The following FBXO40 variants were observed in gnomAD, a reference collection of about 807,000 sequenced individuals.
FBXO40 encodes the protein F-box only protein 40.
A neutral mutation model predicts 49.9 loss-of-function variants in FBXO40; 50 were observed. The ratio of observed to expected loss-of-function variants is 1.00; its 90% CI spans 0.80 to 1.27. The LOEUF (loss-of-function observed/expected upper bound fraction) is 1.27. Among genes scored for constraint, FBXO40 ranks in the 50% most tolerant of loss-of-function variants. FBXO40 has a pLI of 0.00. For synonymous variants in FBXO40, 340 were observed against 320.2 expected (o/e 1.06, Z -0.66); for missense variants, 895 against 870.1 (o/e 1.03, Z -0.36).
At position 121,623,327 on chromosome 3, in the gene FBXO40, G is replaced by A. The variant is rs2049044858; in HGVS notation, c.1898G>A (p.Trp633Ter). Residue 633 changes from tryptophan (W) to a stop codon, truncating the protein, a stop_gained, in exon 3 of 4, where the codon TGG becomes TAG. Coordinates refer to ENST00000338040, the MANE Select transcript of FBXO40 (RefSeq NM_016298.4). LOFTEE classifies it high-confidence loss of function. ...AGGTATTCCCATGGAGGCACCTCCT[G>A]GAGAGTCCACAGAGAGGTAAGTAAA... The part of the protein sequence containing the change: ...KKRYSHGGTS[W>*]RVHREIWQFS... 1.2e-6 allele frequency: 2 copies of A among 1,613,710 alleles called. No homozygotes were observed. The highest frequency in any genetic ancestry group is 1.3e-5 in the African/African-American group (1 of 74,906).
At chr3:121,600,807 T>C (rs574507576) in intron 1 of FBXO40, among the ~76,000 whole-genome samples, 13 of 152,320 alleles carry the variant, frequency 8.5e-5, no homozygotes, top group Admixed American at 3.3e-4. Context: ...TGTAAAAGCA[T>C]AGGAAAGGCA....
chr3:121,607,300 CTT>C (rs555162944), intron 1 of FBXO40, among the ~76,000 whole-genome samples: 240 of 60,112 alleles, frequency 4.0e-3, no homozygotes, highest in East Asian at 6.7e-3. Context: ...CTCTAAAGCT[CTT>C]TTTTTTTTTT....
chr3:121,623,987 C>CTT (rs371355210), intron 3 of FBXO40, among the ~76,000 whole-genome samples: 32,015 of 95,634 alleles, frequency 0.33, 6,247 homozygotes, highest in East Asian at 0.5. Flanking sequence ...TGCACCTGGC[C>CTT]TTTTTTTTTT....
chr3:121,601,697 C>T (rs1464913941), intron 1 of FBXO40, among the ~76,000 whole-genome samples: 1 of 152,234 alleles, frequency 6.6e-6, no homozygotes, highest in East Asian at 1.9e-4. Context: ...CTGAGCTCAA[C>T]TTAATGACAG....
chr3:121,613,979 A>G (rs1042154550), intron 1 of FBXO40, among the ~76,000 whole-genome samples: 20 of 152,048 alleles, frequency 1.3e-4, no homozygotes, highest in African/African-American at 4.6e-4. Context: ...CTAAAAATAC[A>G]AAAATTAGAC....
intron 1 of FBXO40, among the ~76,000 whole-genome samples, chr3:121,613,300 T>C (rs1345273453): frequency 2.0e-5 from 3 of 152,108 alleles, no homozygotes; most frequent in African/African-American, 7.2e-5. Flanking sequence ...AGGGAGGAAC[T>C]ACTGGAGCCA....
At chr3:121,609,394 C>T (rs576304774) in intron 1 of FBXO40, among the ~76,000 whole-genome samples, 8 of 150,414 alleles carry the variant, frequency 5.3e-5, no homozygotes, top group African/African-American at 2.0e-4. Context: ...ATGAGCAAAT[C>T]ATCTACATAC....
rs1272838816 is a variant in FBXO40, at chr3:121,628,373, G to A, written c.*1463G>A. ...GACGGGCTTTCTCCATGTTGTTCAG[G>A]CTGGTCTCAAACTCCCGACCTCAGG... On this transcript the variant is annotated 3_prime_UTR_variant, in exon 4 of 4. Transcript: ENST00000338040. 1 of 152,266 alleles carries A rather than the reference G, an allele frequency of 6.6e-6. No individual in the cohort carries two copies. Among genetic ancestry groups the A allele is most frequent in the Non-Finnish European group, 1.5e-5 (1 of 68,156 alleles). The allele number at this position is 152,266 out of a possible 1,614,324, so 9.4% of individuals were successfully genotyped here. A position where few individuals can be genotyped will look rare whatever the true frequency, so the allele number is the denominator to read the frequency against.
At chr3:121,597,953 G>A (rs1162254572) in intron 1 of FBXO40, among the ~76,000 whole-genome samples, 7 of 152,184 alleles carry the variant, frequency 4.6e-5, no homozygotes, top group South Asian at 2.1e-4. Flanking sequence ...GTCAGCCACC[G>A]TGCCCTGCTT....
chr3:121,613,944 C>A (rs2048982392), intron 1 of FBXO40, among the ~76,000 whole-genome samples: 1 of 151,566 alleles, frequency 6.6e-6, no homozygotes, highest in Non-Finnish European at 1.5e-5. Context: ...ACCAGCCTGG[C>A]CAACATGGTG....
At chr3:121,598,699 G>T (rs2048885464) in intron 1 of FBXO40, among the ~76,000 whole-genome samples, 1 of 152,140 alleles carries the variant, frequency 6.6e-6, no homozygotes, top group Admixed American at 6.5e-5. Flanking sequence ...GAAGTGGGCA[G>T]AATTTGCCCA....
At chr3:121,625,279 A>G (rs1327283215) in intron 3 of FBXO40, among the ~76,000 whole-genome samples, 1 of 152,226 alleles carries the variant, frequency 6.6e-6, no homozygotes, top group Non-Finnish European at 1.5e-5. Context: ...GGTACTATGA[A>G]CCATGAATTT....
intron 1 of FBXO40, among the ~76,000 whole-genome samples, chr3:121,596,187 T>C (rs2048869865): frequency 6.6e-6 from 1 of 152,242 alleles, no homozygotes; most frequent in South Asian, 2.1e-4. Flanking sequence ...TCTTCCACGC[T>C]TTGTCCTACT....
chr3:121,626,542 A>G (rs1190479466), intron 3 of FBXO40, among the ~76,000 whole-genome samples, 153 bp from the exon 4 acceptor site: 1 of 152,138 alleles, frequency 6.6e-6, no homozygotes, highest in Admixed American at 6.6e-5. Context: ...TGGATGCTGG[A>G]GGAGGGGCTA....
At chr3:121,611,156 C>A (rs745938588) in intron 1 of FBXO40, among the ~76,000 whole-genome samples, 1 of 152,052 alleles carries the variant, frequency 6.6e-6, no homozygotes, top group Non-Finnish European at 1.5e-5. Flanking sequence ...TCGGGTGGGA[C>A]GAGAGACTGA....
rs369747294 is a variant in FBXO40 at position 121,622,054 on chromosome 3, G to C, written c.625G>C (p.Gly209Arg). 6.2e-7 allele frequency: 1 copy of C among 1,614,116 alleles called. No homozygotes were observed. The highest frequency in any genetic ancestry group is 1.3e-5 in the African/African-American group (1 of 74,946). The change falls in exon 3 of 4, where the codon GGG becomes CGG. Residue 209 changes from glycine (G) to arginine (R), a missense_variant. Transcript: ENST00000338040. ...EREVLAKTKE[G>R]MDLVKFGQWE... ...GGAGGTGCTAGCCAAAACCAAAGAA[G>C]GGATGGACCTGGTCAAGTTTGGCCA...
At chr3:121,602,459 C>T (rs1370842738) in intron 1 of FBXO40, among the ~76,000 whole-genome samples, 2 of 152,216 alleles carry the variant, frequency 1.3e-5, no homozygotes, top group Non-Finnish European at 2.9e-5. Context: ...ATTCTTTCTT[C>T]CTGGTTCGAA....
Position 121,628,110 on chromosome 3 carries a change from C to T in FBXO40, c.*1200C>T. ...GAAAAAAAGACACAGTAGAAACTGG[C>T]ATCCCCTAAAGCAGGGCTTCTTAGC... On this transcript the variant is annotated 3_prime_UTR_variant, in exon 4 of 4. Coordinates refer to ENST00000338040, the MANE Select transcript of FBXO40 (RefSeq NM_016298.4). 1 of 395,282 alleles carries T rather than the reference C, an allele frequency of 2.5e-6. No individual in the cohort carries two copies. The allele number at this position is 395,282 out of a possible 1,614,324, so 24.5% of individuals were successfully genotyped here.
chr3:121,607,552 G>T (rs986047349), intron 1 of FBXO40, among the ~76,000 whole-genome samples: 1 of 151,764 alleles, frequency 6.6e-6, no homozygotes, highest in Non-Finnish European at 1.5e-5. Flanking sequence ...CTCGTGATCC[G>T]CCCACCTCGG....
Sources: gnomAD v4.1 joint callset for allele counts (sites outside exome capture counted in the v4.1 genomes callset) on GRCh38, gnomAD v4.1.1 for gene constraint, MANE v1.5 for transcripts, NCBI Gene and HGNC (gene_info 2026-07-23, HGNC 2026-07-21) for gene names.